Variants in RSPO3 observed in about 807,000 individuals in gnomAD.
The protein encoded by RSPO3 is R-spondin 3, also known as R-spondin-3.
In RSPO3, 17 loss-of-function variants were observed where a neutral mutation model predicts 36.5. The observed-to-expected ratio is 0.47, with a 90% CI of 0.32 to 0.70. The LOEUF (loss-of-function observed/expected upper bound fraction) is 0.70. Among genes scored for constraint, RSPO3 ranks in the 30% least tolerant of loss-of-function variants. The pLI is 0.04. For synonymous variants in RSPO3, 108 were observed against 107.0 expected, an observed-to-expected ratio of 1.01 and a Z score of -0.06; for missense variants, 294 against 322.5, an observed-to-expected ratio of 0.91 and a Z score of 0.68.
chr6:127,119,136 A>G lies in RSPO3; in HGVS notation c.-57A>G. 2 of 1,320,140 alleles carry G rather than the reference A, an allele frequency of 1.5e-6. No individual in the cohort carries two copies. Among genetic ancestry groups the G allele is most frequent in the Admixed American group, 1.8e-5 (1 of 55,438 alleles). The allele number at this position is 1,320,140 out of a possible 1,614,324, so 81.8% of individuals were successfully genotyped here. On this transcript the variant is annotated 5_prime_UTR_variant, in exon 1 of 5. Transcript: ENST00000356698. ...CCTACATATATTTTAAAAACATTAA[A>G]TATAATTAACAATCAAAAGAAAGAG...
At chr6:127,150,641 C>T in intron 3 of RSPO3, 69 bp downstream of exon 3, 1 of 1,480,048 alleles carries the variant, frequency 6.8e-7, no homozygotes, top group African/African-American at 1.4e-5. Flanking sequence ...TTTCAAAGTC[C>T]TTTGCCAAAA....
At chr6:127,159,040 C>T (rs1301145636) in intron 4 of RSPO3, among the ~76,000 whole-genome samples, 1 of 151,934 alleles carries the variant, frequency 6.6e-6, no homozygotes, top group Non-Finnish European at 1.5e-5. Flanking sequence ...AATGCATTTC[C>T]AGTGGTTGCC....
intron 1 of RSPO3, among the ~76,000 whole-genome samples, chr6:127,121,841 CAA>C (rs1318402501): frequency 1.3e-5 from 2 of 152,130 alleles, no homozygotes; most frequent in African/African-American, 4.8e-5. Context: ...AACGTGTTTT[CAA>C]AAGAGGCTGG....
At chr6:127,132,637 T>C (rs1023372374) in intron 1 of RSPO3, among the ~76,000 whole-genome samples, 5 of 152,050 alleles carry the variant, frequency 3.3e-5, no homozygotes, top group African/African-American at 1.2e-4. Context: ...GGTATCCATA[T>C]TATTATGATT....
At chr6:127,173,187 C>T (rs1774976920) in intron 4 of RSPO3, among the ~76,000 whole-genome samples, 1 of 151,830 alleles carries the variant, frequency 6.6e-6, no homozygotes, top group African/African-American at 2.4e-5. Flanking sequence ...CTGTTTACAA[C>T]CATTTTGTTA....
chr6:127,173,712 G>C (rs564831178), intron 4 of RSPO3, among the ~76,000 whole-genome samples: 1 of 151,942 alleles, frequency 6.6e-6, no homozygotes, highest in South Asian at 2.1e-4. Flanking sequence ...TTCCAAGAGG[G>C]AACACAACGT....
intron 1 of RSPO3, among the ~76,000 whole-genome samples, chr6:127,140,007 T>C (rs2489627): frequency 0.56 from 85,086 of 151,978 alleles, 23,821 homozygotes; most frequent in African/African-American, 0.6. Flanking sequence ...GCAGCATCAA[T>C]TGTAGCTAGT....
intron 1 of RSPO3, among the ~76,000 whole-genome samples, chr6:127,130,065 G>A (rs532788803): frequency 1.3e-5 from 2 of 152,168 alleles, no homozygotes; most frequent in Non-Finnish European, 2.9e-5. Context: ...TAGAAACATG[G>A]TGTTGTAAGT....
chr6:127,134,610 T>C (rs2114554730), intron 1 of RSPO3, among the ~76,000 whole-genome samples: 1 of 152,296 alleles, frequency 6.6e-6, no homozygotes, highest in South Asian at 2.1e-4. Context: ...TTTCCTAACC[T>C]CAGTTGATAG....
intron 3 of RSPO3, among the ~76,000 whole-genome samples, chr6:127,154,109 A>C (rs1202069520): frequency 6.6e-6 from 1 of 152,164 alleles, no homozygotes. Context: ...TGTATAATAA[A>C]TGGATTTAAA....
At chr6:127,155,525 T>TA (rs1774578816) in intron 4 of RSPO3, 87 bp downstream of exon 4, 1 of 1,193,300 alleles carries the variant, frequency 8.4e-7, no homozygotes, top group Admixed American at 2.0e-5. Flanking sequence ...CACTTGGCAT[T>TA]ATCTTTCATG....
chr6:127,132,660 A>G (rs1000694804), intron 1 of RSPO3, among the ~76,000 whole-genome samples: 9 of 152,064 alleles, frequency 5.9e-5, no homozygotes, highest in African/African-American at 1.9e-4. Flanking sequence ...AAAACTACTA[A>G]AAGGGATAAC....
intron 1 of RSPO3, among the ~76,000 whole-genome samples, chr6:127,129,098 C>T (rs1773999548): frequency 6.6e-6 from 1 of 151,916 alleles, no homozygotes; most frequent in African/African-American, 2.4e-5. Flanking sequence ...AATAAATGTC[C>T]TTTTCTTTTA....
intron 4 of RSPO3, among the ~76,000 whole-genome samples, chr6:127,163,467 C>G (rs534004407): frequency 1.2e-4 from 18 of 152,164 alleles, no homozygotes; most frequent in African/African-American, 4.3e-4. Context: ...ATCCTTGGGC[C>G]TCTCAAGAGG....
At chr6:127,165,658 A>G (rs908979969) in intron 4 of RSPO3, among the ~76,000 whole-genome samples, 5 of 151,848 alleles carry the variant, frequency 3.3e-5, no homozygotes, top group Non-Finnish European at 5.9e-5. Flanking sequence ...ATCTCAGCAG[A>G]TTTCTTCAAT....
chr6:127,122,393 CTT>C (rs565551445), intron 1 of RSPO3, among the ~76,000 whole-genome samples: 2 of 151,400 alleles, frequency 1.3e-5, no homozygotes, highest in Non-Finnish European at 2.9e-5. Flanking sequence ...TTAAGAAGCA[CTT>C]TTTTTTTGCC....
Position 127,197,442 on chromosome 6 carries a change from T to C in RSPO3, c.*1435T>C, listed in dbSNP as rs1399476482. 4 of 1,550,552 alleles carry C rather than the reference T, an allele frequency of 2.6e-6. No homozygotes were observed. Among genetic ancestry groups the C allele is most frequent in the Middle Eastern group, 1.7e-4 (1 of 5,992 alleles). The stretch of plus-strand genomic sequence containing the variant: ...TCTCTTTAGGGGATTGAAGTCACCC[T>C]AGCTGAAGGCCTCACCAGTGTTTCA... On this transcript the variant is annotated 3_prime_UTR_variant, in exon 5 of 5. Transcript: ENST00000356698.
At chr6:127,123,533 TCATTA>T (rs1334197651) in intron 1 of RSPO3, among the ~76,000 whole-genome samples, 2 of 152,146 alleles carry the variant, frequency 1.3e-5, no homozygotes, top group Non-Finnish European at 2.9e-5. Context: ...AATTTAATCA[TCATTA>T]CATTATCAGG....
At chr6:127,174,411 C>A (rs560694412) in intron 4 of RSPO3, among the ~76,000 whole-genome samples, 1 of 151,858 alleles carries the variant, frequency 6.6e-6, no homozygotes, top group Non-Finnish European at 1.5e-5. Context: ...TTTACAAACA[C>A]TTCATTTAGC....
Sources: allele counts gnomAD v4.1 joint callset (sites outside exome capture counted in the v4.1 genomes callset), GRCh38; gene constraint gnomAD v4.1.1; transcripts MANE v1.5; gene names NCBI Gene and HGNC (gene_info 2026-07-23, HGNC 2026-07-21).